COL25A1: variants seen among roughly 807,000 people sequenced by gnomAD.
COL25A1 encodes collagen type XXV alpha 1 chain, also known as collagen alpha-1(XXV) chain.
Under a neutral mutation model 128.4 loss-of-function variants are expected in COL25A1, and 103 were observed. The observed-to-expected ratio is 0.80, with a 90% confidence interval of 0.68 to 0.94. The LOEUF (loss-of-function observed/expected upper bound fraction) is 0.94. Among genes scored for constraint, COL25A1 ranks in the 40% least tolerant of loss-of-function variants. COL25A1 has a pLI of 0.00. For missense variants in COL25A1, 745 were observed against 840.0 expected (o/e 0.89, Z 1.40); for synonymous variants, 279 against 277.2 (o/e 1.01, Z -0.06).
chr4:108,975,681 A>C lies in COL25A1; in HGVS notation c.439-1122T>G, dbSNP rs1417776741. ...ATATTACCAATATTTGATATTTTCT[A>C]TCTTTTTCATTTTAGGCATTCTGGT... On this transcript the variant is annotated intron_variant, in intron 6 of 37. Transcript: ENST00000399132. Among the ~76,000 whole-genome samples, 4 of 152,284 alleles carry C rather than the reference A, an allele frequency of 2.6e-5. No homozygotes were observed. The South Asian group carries it at 8.3e-4, about 32-fold the overall frequency.
At chr4:109,195,341 C>A (rs1488539239) in intron 3 of COL25A1, among the ~76,000 whole-genome samples, 1 of 152,144 alleles carries the variant, frequency 6.6e-6, no homozygotes, top group African/African-American at 2.4e-5. Flanking sequence ...ATTTTTATTT[C>A]ATTGAAATAC....
At position 109,183,923 on chromosome 4, in the gene COL25A1, C is replaced by A. The variant is rs1288958198; in HGVS notation, c.367+116660G>T. 1.3e-3 allele frequency among the ~76,000 whole-genome samples: 137 copies of A among 105,334 alleles called. 1 individual carries two copies. Among genetic ancestry groups the A allele is most frequent in the African/African-American group, 2.7e-3 (85 of 31,838 alleles). 69.1% of individuals were successfully genotyped at this position (105,334 alleles called of 152,430 possible). A position where few individuals can be genotyped will look rare whatever the true frequency, so the allele number is the denominator to read the frequency against. Reference sequence around the variant, plus strand: ...ATACCTTTAAAACACACACCAACTTCAAAAAAAAAAAAAAAAAAGATTGGG... The same window carrying A: ...ATACCTTTAAAACACACACCAACTTAAAAAAAAAAAAAAAAAAAGATTGGG... On this transcript the variant is annotated intron_variant, in intron 3 of 37. Coordinates refer to ENST00000399132, the MANE Select transcript of COL25A1 (RefSeq NM_198721.4).
intron 5 of COL25A1, among the ~76,000 whole-genome samples, chr4:109,011,503 GGAGA>G (rs149033661): frequency 6.6e-6 from 1 of 152,086 alleles, no homozygotes; most frequent in African/African-American, 2.4e-5. Context: ...CTCCAGTGGT[GGAGA>G]GAGAGAGAAA....
chr4:108,851,983 G>A (rs1340906334), intron 26 of COL25A1, among the ~76,000 whole-genome samples: 1 of 151,728 alleles, frequency 6.6e-6, no homozygotes, highest in Non-Finnish European at 1.5e-5. Flanking sequence ...TTTTTCCCTT[G>A]TTTAATATCT....
chr4:108,994,255 T>G (rs1754521024), intron 6 of COL25A1, among the ~76,000 whole-genome samples: 1 of 152,182 alleles, frequency 6.6e-6, no homozygotes, highest in Admixed American at 6.5e-5. Context: ...CCTGACCAAA[T>G]AGTGTACTTT....
intron 11 of COL25A1, among the ~76,000 whole-genome samples, chr4:108,928,629 A>ACC (rs1414697675): frequency 1.3e-5 from 2 of 151,528 alleles, no homozygotes; most frequent in Non-Finnish European, 2.9e-5. Context: ...CTCTGCCTCC[A>ACC]CCTTCCAGCC....
intron 5 of COL25A1, among the ~76,000 whole-genome samples, chr4:109,030,762 T>C (rs1484262648): frequency 6.6e-6 from 1 of 152,086 alleles, no homozygotes; most frequent in Non-Finnish European, 1.5e-5. Context: ...ATTTTGTTGT[T>C]GTTGTTGTTG....
chr4:109,271,268 TA>T (rs2126265062), intron 3 of COL25A1, among the ~76,000 whole-genome samples: 1 of 152,302 alleles, frequency 6.6e-6, no homozygotes, highest in East Asian at 1.9e-4. Context: ...TGAAGGTCAA[TA>T]AAATAAGGTT....
chr4:108,907,051 A>G (rs1743614852), intron 13 of COL25A1, among the ~76,000 whole-genome samples: 1 of 152,162 alleles, frequency 6.6e-6, no homozygotes, highest in Non-Finnish European at 1.5e-5. Context: ...AAGAGAAGGG[A>G]GCAAGGAAAA....
Position 109,198,641 on chromosome 4 carries a change from C to G in COL25A1, c.367+101942G>C, listed in dbSNP as rs74622474. 8.5e-3 allele frequency among the ~76,000 whole-genome samples: 1,292 copies of G among 152,250 alleles called. 58 individuals carry two copies. The South Asian group carries it at 0.14, about 16-fold the overall frequency. ...GCATTCTATGCTAGCTCTAGAGCCT[C>G]CCTTCTGAACAGACACAGCAAAGTG... On this transcript the variant is annotated intron_variant, in intron 3 of 37. Coordinates refer to ENST00000399132, the MANE Select transcript of COL25A1 (RefSeq NM_198721.4).
intron 3 of COL25A1, among the ~76,000 whole-genome samples, chr4:109,295,048 T>G (rs1012675258): frequency 6.6e-6 from 1 of 152,130 alleles, no homozygotes; most frequent in African/African-American, 2.4e-5. Context: ...CTGAGAGGCT[T>G]CTTATGTCTA....
chr4:108,888,635 C>T (rs1741096571), intron 18 of COL25A1, among the ~76,000 whole-genome samples: 1 of 152,088 alleles, frequency 6.6e-6, no homozygotes, highest in South Asian at 2.1e-4. Context: ...ACTAATGTAT[C>T]CATAAAATGG....
At chr4:109,071,700 C>T (rs1762987420) in intron 3 of COL25A1, among the ~76,000 whole-genome samples, 1 of 152,142 alleles carries the variant, frequency 6.6e-6, no homozygotes, top group South Asian at 2.1e-4. Flanking sequence ...TGAAAAAATG[C>T]TCATCATCAC....
intron 8 of COL25A1, among the ~76,000 whole-genome samples, chr4:108,959,083 C>G (rs1432696306): frequency 6.6e-6 from 1 of 151,882 alleles, no homozygotes; most frequent in Admixed American, 6.6e-5. Flanking sequence ...ATATCTAATC[C>G]AGGTATTGCA....
At chr4:108,878,430 C>A (rs551417350) in intron 19 of COL25A1, among the ~76,000 whole-genome samples, 1 of 152,218 alleles carries the variant, frequency 6.6e-6, no homozygotes, top group African/African-American at 2.4e-5. Flanking sequence ...ACACTGAATG[C>A]ATTAGCCACA....
intron 3 of COL25A1, among the ~76,000 whole-genome samples, chr4:109,201,222 G>C (rs1189962096): frequency 6.6e-6 from 1 of 152,086 alleles, no homozygotes; most frequent in Non-Finnish European, 1.5e-5. Context: ...ACTTGGTCCA[G>C]TAATTTATGA....
At chr4:108,823,043 G>A (rs769122646) in intron 35 of COL25A1, among the ~76,000 whole-genome samples, 9 of 152,130 alleles carry the variant, frequency 5.9e-5, no homozygotes, top group Admixed American at 1.3e-4. Context: ...GAGAGTCTAA[G>A]CAATGCTTAA....
At chr4:109,245,379 A>C (rs1397346291) in intron 3 of COL25A1, among the ~76,000 whole-genome samples, 1 of 152,154 alleles carries the variant, frequency 6.6e-6, no homozygotes, top group Non-Finnish European at 1.5e-5. Context: ...TTGGAAGTCA[A>C]AGCATCTATC....
intron 3 of COL25A1, among the ~76,000 whole-genome samples, chr4:109,052,080 AG>A (rs1189048152): frequency 1.3e-4 from 20 of 152,188 alleles, no homozygotes; most frequent in Admixed American, 2.0e-4. Context: ...ATTGGGAAGT[AG>A]CTTATTTGCC....
Sources: allele counts gnomAD v4.1 joint callset (sites outside exome capture counted in the v4.1 genomes callset), GRCh38; gene constraint gnomAD v4.1.1; transcripts MANE v1.5; gene names NCBI Gene and HGNC (gene_info 2026-07-23, HGNC 2026-07-21).